The following MIA2 variants were observed in gnomAD, a reference collection of about 807,000 sequenced individuals.
The protein encoded by MIA2 is MIA SH3 domain ER export factor 2, also known as melanoma inhibitory activity protein 2.
A neutral mutation model predicts 167.8 loss-of-function variants in MIA2; 127 were observed. That is an observed-to-expected ratio of 0.76 (90% CI 0.66 to 0.88). MIA2 has a LOEUF of 0.88. MIA2 is among the 40% of genes least tolerant of loss of function. The pLI is 0.00. For synonymous variants in MIA2, 552 were observed against 541.9 expected, an observed-to-expected ratio of 1.02 and a Z score of -0.26; for missense variants, 1,690 against 1,624.7, an observed-to-expected ratio of 1.04 and a Z score of -0.69.
At chr14:39,264,356 C>T (rs1207876623) in intron 6 of MIA2, among the ~76,000 whole-genome samples, 2 of 152,094 alleles carry the variant, frequency 1.3e-5, no homozygotes, top group African/African-American at 4.8e-5. Flanking sequence ...TTGATGGGCA[C>T]CTAGGGTGAG....
intron 6 of MIA2, among the ~76,000 whole-genome samples, chr14:39,256,019 T>G (rs570862098): frequency 6.6e-6 from 1 of 152,254 alleles, no homozygotes; most frequent in Non-Finnish European, 1.5e-5. Context: ...TCTAAGAAAA[T>G]TATGAATCAG....
downstream of MIA2, among the ~76,000 whole-genome samples, chr14:39,355,325 G>T (rs1382192383): frequency 2.6e-5 from 4 of 151,128 alleles, no homozygotes; most frequent in African/African-American, 9.7e-5. Context: ...AGCAATTGTG[G>T]AGTTCACTCA....
intron 23 of MIA2, among the ~76,000 whole-genome samples, chr14:39,371,328 A>G (rs959446856): frequency 6.6e-6 from 1 of 152,170 alleles, no homozygotes. Context: ...GGTAGTTAAG[A>G]AAAAGGGAGA....
At chr14:39,309,361 C>T (rs2063843081) in intron 18 of MIA2, among the ~76,000 whole-genome samples, 1 of 152,186 alleles carries the variant, frequency 6.6e-6, no homozygotes, top group Admixed American at 6.5e-5. Context: ...CAAGACAGTA[C>T]AGGATTGGAC....
intron 23 of MIA2, among the ~76,000 whole-genome samples, chr14:39,368,367 A>G (rs911860333): frequency 1.3e-5 from 2 of 152,212 alleles, no homozygotes; most frequent in Non-Finnish European, 2.9e-5. Flanking sequence ...ATTGCCTGTT[A>G]GAATAGTCCC....
chr14:39,281,114 G>A lies in MIA2; in HGVS notation c.2130+1577G>A, dbSNP rs2058865312. Among the ~76,000 whole-genome samples the A allele has an allele frequency of 1.3e-5, 2 of 151,722 alleles. 1 individual carries two copies. Among genetic ancestry groups the A allele is most frequent in the African/African-American group, 4.8e-5 (2 of 41,304 alleles). On this transcript the variant is annotated intron_variant, in intron 9 of 28. Coordinates refer to ENST00000640607, the MANE Select transcript of MIA2 (RefSeq NM_001329214.4). ...ATTTTTTAAAATTTCTTGTAGAGAT[G>A]GGGTTTTGCCATGTTGTCCAGGCTG...
intron 9 of MIA2, among the ~76,000 whole-genome samples, chr14:39,281,506 C>T (rs865829769): frequency 1.3e-5 from 2 of 151,970 alleles, no homozygotes; most frequent in South Asian, 2.1e-4. Flanking sequence ...TTGCCTTTTT[C>T]AGTTCTGCAG....
chr14:39,338,346 G>A (rs148542822), intron 25 of MIA2, among the ~76,000 whole-genome samples: 33 of 152,102 alleles, frequency 2.2e-4, no homozygotes, highest in Non-Finnish European at 2.6e-4. Context: ...ATCTTTCTGT[G>A]AATCTATTTT....
chr14:39,281,391 ACT>A lies in MIA2; in HGVS notation c.2130+1855_2130+1856del, dbSNP rs2058916853. Among the ~76,000 whole-genome samples the A allele has an allele frequency of 3.9e-5, 6 of 152,090 alleles. 1 individual carries two copies. The South Asian group carries it at 1.0e-3, about 26-fold the overall frequency. On this transcript the variant is annotated intron_variant, in intron 9 of 28. Transcript: ENST00000640607. ...GGTTTCCATCTTTTTGTTTGCCCAC[ACT>A]TCAGTCTAGACATAATCTTCTTTAA...
chr14:39,297,326 A>G (rs552572484), intron 13 of MIA2, among the ~76,000 whole-genome samples: 1 of 151,678 alleles, frequency 6.6e-6, no homozygotes, highest in Admixed American at 6.6e-5. Flanking sequence ...TCTTGACCTC[A>G]AGTGATCTGC....
At chr14:39,238,811 A>AAAAAAAAAAAAAAAAAAAAAAAAAAAC in intron 2 of MIA2, among the ~76,000 whole-genome samples, 10 of 103,610 alleles carry the variant, frequency 9.7e-5, no homozygotes, top group East Asian at 2.8e-4. Flanking sequence ...AAAAAAAAAA[A>AAAAAAAAAAAAAAAAAAAAAAAAAAAC]CCCAAAAAAC....
chr14:39,349,026 A>G, intron 28 of MIA2, 49 bp downstream of exon 28: 1 of 1,564,766 alleles, frequency 6.4e-7, no homozygotes, highest in Non-Finnish European at 8.8e-7. Flanking sequence ...TGGTTTATTA[A>G]TCGGAGATTT....
intron 4 of MIA2, among the ~76,000 whole-genome samples, chr14:39,251,139 T>C (rs2054553575): frequency 6.6e-6 from 1 of 152,176 alleles, no homozygotes; most frequent in Non-Finnish European, 1.5e-5. Flanking sequence ...ATAAGCAAGA[T>C]GAATCACTGA....
chr14:39,263,441 C>T (rs1194687817), intron 6 of MIA2, among the ~76,000 whole-genome samples: 2 of 151,388 alleles, frequency 1.3e-5, no homozygotes, highest in African/African-American at 4.9e-5. Context: ...ACTATCTTGC[C>T]CAGGCCAGTC....
At chr14:39,313,501 A>G in intron 19 of MIA2, 60 bp downstream of exon 19, 1 of 903,662 alleles carries the variant, frequency 1.1e-6, no homozygotes, top group South Asian at 1.7e-5. Context: ...AAAAAACTTA[A>G]TGCCAGAAAA....
At chr14:39,318,831 T>C (rs532316105) in intron 22 of MIA2, among the ~76,000 whole-genome samples, 9 of 152,230 alleles carry the variant, frequency 5.9e-5, no homozygotes, top group African/African-American at 2.2e-4. Context: ...GGCACTTTCA[T>C]TGTGAATAAA....
intron 23 of MIA2, among the ~76,000 whole-genome samples, chr14:39,374,023 C>T (rs376616169): frequency 2.0e-5 from 3 of 151,832 alleles, no homozygotes; most frequent in African/African-American, 4.8e-5. Context: ...GAGACTGGAC[C>T]CAGCTAAAAA....
chr14:39,339,108 G>A (rs1401512902), intron 25 of MIA2, among the ~76,000 whole-genome samples: 1 of 152,134 alleles, frequency 6.6e-6, no homozygotes, highest in African/African-American at 2.4e-5. Flanking sequence ...GAATGCACAG[G>A]CTAGATCCCT....
chr14:39,272,809 T>C (rs2057378321), intron 6 of MIA2, among the ~76,000 whole-genome samples: 1 of 152,236 alleles, frequency 6.6e-6, no homozygotes, highest in African/African-American at 2.4e-5. Context: ...GCTTTACATT[T>C]ATTTAAGTCT....
Sources: gnomAD v4.1 joint callset for allele counts (sites outside exome capture counted in the v4.1 genomes callset) on GRCh38, gnomAD v4.1.1 for gene constraint, MANE v1.5 for transcripts, NCBI Gene and HGNC (gene_info 2026-07-23, HGNC 2026-07-21) for gene names.